The following RGS8 variants were observed in gnomAD, a reference collection of about 807,000 sequenced individuals.
The protein encoded by RGS8 is regulator of G protein signaling 8, also known as regulator of G-protein signaling 8.
A neutral mutation model predicts 21.7 loss-of-function variants in RGS8; 8 were observed. That is an observed-to-expected ratio of 0.37 (90% confidence interval 0.22 to 0.66). RGS8 has a LOEUF of 0.66. RGS8 is among the 30% of genes least tolerant of loss of function. The pLI, the probability that RGS8 is intolerant of heterozygous loss-of-function variation, is 0.59. For synonymous variants in RGS8, 80 were observed against 83.6 expected, an observed-to-expected ratio of 0.96 and a Z score of 0.24; for missense variants, 157 against 217.9, an observed-to-expected ratio of 0.72 and a Z score of 1.76.
upstream of RGS8, chr1:182,684,627 GA>G (rs1400576030): frequency 6.6e-6 from 1 of 152,446 alleles, no homozygotes; most frequent in African/African-American, 2.4e-5. This position sits in a 1 kb window ranked among gnomAD's most constrained non-coding sequence, Gnocchi z 4.2. Context: ...AGGGAGGGGA[GA>G]GGGGCACTCT....
chr1:182,743,537 T>G, the RGS8 span, among the ~76,000 whole-genome samples: 1 of 152,298 alleles, frequency 6.6e-6, no homozygotes, highest in East Asian at 1.9e-4. Flanking sequence ...CTCATAGATA[T>G]TATCATGGTC....
chr1:182,728,281 A>G, the RGS8 span, among the ~76,000 whole-genome samples: 1 of 152,250 alleles, frequency 6.6e-6, no homozygotes, highest in Admixed American at 6.5e-5. Flanking sequence ...ATAGAACAAT[A>G]TGCAACCATG....
upstream of RGS8, among the ~76,000 whole-genome samples, chr1:182,689,302 C>T (rs1188182505): frequency 1.4e-5 from 2 of 140,428 alleles, no homozygotes; most frequent in African/African-American, 5.2e-5. Flanking sequence ...CACACACACA[C>T]ACACCCCACA....
chr1:182,676,064 C>A (rs1299921873), upstream of RGS8, among the ~76,000 whole-genome samples: 1 of 152,152 alleles, frequency 6.6e-6, no homozygotes, highest in Non-Finnish European at 1.5e-5. Context: ...CAACAGAATG[C>A]TAATGACACT....
chr1:182,701,925 TAAA>T, the RGS8 span, among the ~76,000 whole-genome samples: 2 of 152,096 alleles, frequency 1.3e-5, no homozygotes, highest in Non-Finnish European at 2.9e-5. Context: ...ATTAAAAAGT[TAAA>T]AAACAACAGA....
chr1:182,697,945 G>C, the RGS8 span, among the ~76,000 whole-genome samples: 3 of 152,074 alleles, frequency 2.0e-5, no homozygotes, highest in East Asian at 1.9e-4. Context: ...CATGAGAACC[G>C]GTAGGGTTTC....
the RGS8 span, among the ~76,000 whole-genome samples, chr1:182,710,460 C>G: frequency 2.0e-5 from 3 of 152,094 alleles, no homozygotes; most frequent in African/African-American, 7.2e-5. Flanking sequence ...CCTCCTCCCC[C>G]AGGCTGTGTG....
chr1:182,747,043 CTTTTTTTTTTTTTTTTTTTT>C, the RGS8 span, among the ~76,000 whole-genome samples: 21 of 21,050 alleles, frequency 1.0e-3, 1 homozygote, highest in South Asian at 7.5e-3. Context: ...CACTGCTGGT[CTTTTTTTTTTTTTTTTTTTT>C]TTTTTTTTTT....
the RGS8 span, among the ~76,000 whole-genome samples, chr1:182,694,748 C>T: frequency 1.8e-4 from 27 of 148,440 alleles, no homozygotes; most frequent in Middle Eastern, 3.4e-3. Context: ...ACAGAGGTTG[C>T]AGTGAACCGA....
At chr1:182,749,653 T>C in the RGS8 span, among the ~76,000 whole-genome samples, 1 of 152,322 alleles carries the variant, frequency 6.6e-6, no homozygotes, top group South Asian at 2.1e-4. Flanking sequence ...TTCAAACAGA[T>C]TGCATTAAAT....
chr1:182,703,945 T>A, the RGS8 span, among the ~76,000 whole-genome samples: 1 of 152,218 alleles, frequency 6.6e-6, no homozygotes, highest in Non-Finnish European at 1.5e-5. Flanking sequence ...AGCACTTGGT[T>A]TTGCAGGAAA....
the RGS8 span, among the ~76,000 whole-genome samples, chr1:182,721,207 G>A: frequency 6.6e-6 from 1 of 151,002 alleles, no homozygotes; most frequent in East Asian, 1.9e-4. Context: ...TCATTTACTC[G>A]ATAAATATTT....
the RGS8 span, among the ~76,000 whole-genome samples, chr1:182,746,516 A>C: frequency 6.6e-6 from 1 of 152,100 alleles, no homozygotes; most frequent in Non-Finnish European, 1.5e-5. Context: ...AAAATACAAA[A>C]ATTAGCTGGG....
the RGS8 span, among the ~76,000 whole-genome samples, chr1:182,713,875 AAAG>A: frequency 6.6e-6 from 1 of 152,218 alleles, no homozygotes; most frequent in Non-Finnish European, 1.5e-5. Flanking sequence ...TTTTATTGCA[AAAG>A]AAGTACACAG....
At chr1:182,672,926 G>T, upstream of RGS8, 2 of 1,367,206 alleles carry the variant, frequency 1.5e-6, no homozygotes, top group East Asian at 2.3e-5. Context: ...AGCAGTGTCA[G>T]CATCACCTGA....
At chr1:182,645,423 T>G (rs1467344660), downstream of RGS8, 2 of 152,244 alleles carry the variant, frequency 1.3e-5, no homozygotes. Flanking sequence ...CAAAGTCAGC[T>G]TTTTCCTGGG....
intron 2 of RGS8, 92 bp downstream of exon 3, chr1:182,671,565 G>T: frequency 9.3e-7 from 1 of 1,069,876 alleles, no homozygotes; most frequent in Middle Eastern, 2.0e-4. Context: ...CAATCAATAT[G>T]CATGAAGAGG....
the RGS8 span, among the ~76,000 whole-genome samples, chr1:182,713,551 T>G: frequency 6.6e-6 from 1 of 152,152 alleles, no homozygotes; most frequent in Non-Finnish European, 1.5e-5. Context: ...AATACAAATC[T>G]AATCACCTTA....
the RGS8 span, among the ~76,000 whole-genome samples, chr1:182,732,282 C>CACACACACACACAT: frequency 0.015 from 2,248 of 150,620 alleles, 69 homozygotes; most frequent in African/African-American, 0.053. Context: ...TACACACACA[C>CACACACACACACAT]ACACACACAC....
Sources: allele counts gnomAD v4.1 joint callset (sites outside exome capture counted in the v4.1 genomes callset), GRCh38; gene constraint gnomAD v4.1.1; non-coding constraint Gnocchi (gnomAD v3.1); transcripts MANE v1.5; gene names NCBI Gene and HGNC (gene_info 2026-07-23, HGNC 2026-07-21).